The following SYT7 variants were observed in gnomAD, a reference collection of about 807,000 sequenced individuals.
The protein encoded by SYT7 is synaptotagmin 7, also known as synaptotagmin-7.
Under a neutral mutation model 75.1 loss-of-function variants are expected in SYT7, and 29 were observed. The observed-to-expected ratio is 0.39, with a 90% CI of 0.29 to 0.53. SYT7 has a LOEUF of 0.53. Among genes scored for constraint, SYT7 ranks in the 20% least tolerant of loss-of-function variants. The pLI is 0.77. For synonymous variants in SYT7, 376 were observed against 401.7 expected (o/e 0.94, Z 0.76); for missense variants, 693 against 953.2 (o/e 0.73, Z 3.59).
At chr11:61,544,575 C>T (rs955501209) in intron 5 of SYT7, among the ~76,000 whole-genome samples, 1 of 152,124 alleles carries the variant, frequency 6.6e-6, no homozygotes, top group South Asian at 2.1e-4. Flanking sequence ...AGAGGGAGGG[C>T]GGCACATTGG....
chr11:61,586,902 G>C, the SYT7 span, among the ~76,000 whole-genome samples: 1 of 152,130 alleles, frequency 6.6e-6, no homozygotes, highest in Admixed American at 6.5e-5. Context: ...CTGCAGCTCA[G>C]ACCAGCATTT....
chr11:61,555,428 G>A (rs2063470699), intron 2 of SYT7, among the ~76,000 whole-genome samples: 1 of 152,228 alleles, frequency 6.6e-6, no homozygotes, highest in African/African-American at 2.4e-5. Context: ...GGGCTGGGCG[G>A]GGCGGCGCGA....
At chr11:61,532,655 A>G (rs1157674489) in intron 8 of SYT7, among the ~76,000 whole-genome samples, 1 of 152,176 alleles carries the variant, frequency 6.6e-6, no homozygotes, top group African/African-American at 2.4e-5. Flanking sequence ...TCCTGAAAGT[A>G]TCTTGCATGA....
At chr11:61,534,409 GCACGCACACATGCGCATACA>G (rs2062803622) in intron 7 of SYT7, among the ~76,000 whole-genome samples, 1 of 150,996 alleles carries the variant, frequency 6.6e-6, no homozygotes, top group Admixed American at 6.6e-5. Flanking sequence ...ATGTACACAC[GCACGCACACATGCGCATACA>G]CACACGCACA....
rs2063398803 is a variant in SYT7 at position 61,553,103 on chromosome 11, T to A, written c.136-1640A>T. Among the ~76,000 whole-genome samples, 2 of 151,526 alleles carry A rather than the reference T, an allele frequency of 1.3e-5. No individual in the cohort carries two copies. The highest frequency in any genetic ancestry group is 1.5e-5 in the Non-Finnish European group (1 of 67,824). ...GACCTCTAAGTCAGAACTTTAAGAGTTGAAATATAGAGATGCCGGACACCC... is the reference window on the plus strand; with the variant it reads ...GACCTCTAAGTCAGAACTTTAAGAGATGAAATATAGAGATGCCGGACACCC... On this transcript the variant is annotated intron_variant, in intron 2 of 12. Coordinates refer to ENST00000539008, the MANE Select transcript of SYT7 (RefSeq NM_001365809.2). This position sits in a 1 kb window ranked among gnomAD's most constrained non-coding sequence, Gnocchi z 5.2.
chr11:61,548,553 A>G (rs1385230618), intron 3 of SYT7, among the ~76,000 whole-genome samples: 2 of 152,146 alleles, frequency 1.3e-5, no homozygotes, highest in African/African-American at 2.4e-5. Context: ...AGGCATGGGA[A>G]TGTTTCTAGG....
intron 12 of SYT7, among the ~76,000 whole-genome samples, chr11:61,521,849 A>G (rs2062346393): frequency 6.6e-6 from 1 of 152,174 alleles, no homozygotes; most frequent in Non-Finnish European, 1.5e-5. Flanking sequence ...CCCCTTTATT[A>G]TCATACTAGC....
intron 12 of SYT7, among the ~76,000 whole-genome samples, chr11:61,520,542 A>C (rs995107300): frequency 2.9e-4 from 43 of 149,964 alleles, no homozygotes; most frequent in African/African-American, 9.8e-4. Flanking sequence ...AAAGATAGGG[A>C]GGTCAGGCAC....
intron 1 of SYT7, among the ~76,000 whole-genome samples, chr11:61,564,711 C>T (rs1489659359): frequency 2.6e-5 from 4 of 152,182 alleles, no homozygotes; most frequent in East Asian, 1.9e-4. Flanking sequence ...ACGACAGTTA[C>T]GGAAAGGGCT....
Position 61,546,323 on chromosome 11 carries a change from G to T in SYT7, c.348-68C>A, listed in dbSNP as rs1447750410. 6 of 1,124,752 alleles carry T rather than the reference G, an allele frequency of 5.3e-6. No individual in the cohort carries two copies. Among genetic ancestry groups the T allele is most frequent in the Non-Finnish European group, 7.2e-6 (6 of 831,822 alleles). 69.7% of individuals were successfully genotyped at this position (1,124,752 alleles called of 1,614,324 possible). A position where few individuals can be genotyped will look rare whatever the true frequency, so the allele number is the denominator to read the frequency against. Reference sequence around the variant, plus strand: ...GGTGGCGGTGGGGGAGAGAGGGCAGGCCATACGTGGGGGTCGGGGGGTGGA... The same window carrying T: ...GGTGGCGGTGGGGGAGAGAGGGCAGTCCATACGTGGGGGTCGGGGGGTGGA... On this transcript the variant is annotated intron_variant, in intron 4 of 12. Coordinates refer to ENST00000539008, the MANE Select transcript of SYT7 (RefSeq NM_001365809.2). The surrounding 1 kb of genome is among the most constrained non-coding windows in gnomAD (Gnocchi z 7.6).
At position 61,524,077 on chromosome 11, in the gene SYT7, T is replaced by A; in HGVS notation, c.1642-136A>T. The A allele has an allele frequency of 2.4e-6, 2 of 827,080 alleles. No homozygotes were observed. Among genetic ancestry groups the A allele is most frequent in the Non-Finnish European group, 3.9e-6 (2 of 513,826 alleles). The allele number at this position is 827,080 out of a possible 1,614,324, so 51.2% of individuals were successfully genotyped here. A position where few individuals can be genotyped will look rare whatever the true frequency, so the allele number is the denominator to read the frequency against. On this transcript the variant is annotated intron_variant, in intron 10 of 12. Coordinates refer to ENST00000539008, the MANE Select transcript of SYT7 (RefSeq NM_001365809.2). The surrounding 1 kb of genome is among the most constrained non-coding windows in gnomAD (Gnocchi z 4.1). ...TGTCTGTCACCTCTGTCTCACTCTG[T>A]CTCCCCCCATCTGGCAGGTGTGTGT...
chr11:61,569,875 C>T (rs2063873956), intron 1 of SYT7, among the ~76,000 whole-genome samples: 1 of 152,206 alleles, frequency 6.6e-6, no homozygotes, highest in Non-Finnish European at 1.5e-5. Context: ...CAGTGCCCAG[C>T]CAGCTGGGCC....
rs953851074 is a variant in SYT7 at position 61,515,194 on chromosome 11, C to T, written c.*3433G>A. The T allele has an allele frequency of 3.9e-5, 6 of 152,390 alleles. No individual in the cohort carries two copies. The highest frequency in any genetic ancestry group is 1.4e-4 in the African/African-American group (6 of 41,566). The allele number at this position is 152,390 out of a possible 1,614,324, so 9.4% of individuals were successfully genotyped here. A position where few individuals can be genotyped will look rare whatever the true frequency, so the allele number is the denominator to read the frequency against. ...CCTGGTCACCAGTGAAGTCAAATCC[C>T]AAAGGTGACACACTGAGGGGAGGCT... On this transcript the variant is annotated 3_prime_UTR_variant, in exon 13 of 13. Coordinates refer to ENST00000539008, the MANE Select transcript of SYT7 (RefSeq NM_001365809.2).
intron 5 of SYT7, among the ~76,000 whole-genome samples, chr11:61,544,562 G>C (rs2063132718): frequency 6.6e-6 from 1 of 152,198 alleles, no homozygotes; most frequent in Non-Finnish European, 1.5e-5. Flanking sequence ...GGCAGGTCAA[G>C]GCAGAGGGAG....
intron 2 of SYT7, among the ~76,000 whole-genome samples, chr11:61,552,208 T>G (rs1332501330): frequency 6.6e-6 from 1 of 152,130 alleles, no homozygotes; most frequent in East Asian, 1.9e-4. Context: ...CAACTGGGCC[T>G]GCTGCCGGGA....
In SYT7 at chr11:61,542,236, G is replaced by A; in HGVS notation, c.916C>T (p.Arg306Ter). ...WDHVVGQIRN[R>*]GLDMKSFLEG... ...AGGAAGGATTTCATGTCCAAGCCTCGGTTTCGAATCTGCCCCACCACGTGG... is the reference window on the plus strand; with the variant it reads ...AGGAAGGATTTCATGTCCAAGCCTCAGTTTCGAATCTGCCCCACCACGTGG... The change falls in exon 6 of 13, where the codon CGA (arginine) becomes TGA (stop). Residue 306 changes from arginine to a stop codon, truncating the protein, a stop_gained. Transcript: ENST00000539008. LOFTEE classifies it high-confidence loss of function. This position sits in a 1 kb window ranked among gnomAD's most constrained non-coding sequence, Gnocchi z 7.8. The A allele has an allele frequency of 2.6e-6, 4 of 1,534,836 alleles. No homozygotes were observed. The highest frequency in any genetic ancestry group is 3.5e-6 in the Non-Finnish European group (4 of 1,146,336).
At chr11:61,556,621 C>G (rs541204082) in intron 1 of SYT7, among the ~76,000 whole-genome samples, 19 of 152,346 alleles carry the variant, frequency 1.2e-4, no homozygotes, top group African/African-American at 4.6e-4. Flanking sequence ...ACTCTTCCAC[C>G]CACTGCCCTG....
chr11:61,556,945 G>A (rs991294045), intron 1 of SYT7, among the ~76,000 whole-genome samples: 2 of 149,630 alleles, frequency 1.3e-5, no homozygotes, highest in Non-Finnish European at 2.9e-5. Context: ...CCCAAGTGCC[G>A]AGGTGCCATA....
intron 1 of SYT7, among the ~76,000 whole-genome samples, chr11:61,565,684 C>T (rs566957821): frequency 5.3e-5 from 8 of 152,274 alleles, no homozygotes; most frequent in African/African-American, 1.7e-4. Context: ...CCATGCCCTC[C>T]GGACATTCTC....
Sources: allele counts gnomAD v4.1 joint callset (sites outside exome capture counted in the v4.1 genomes callset), GRCh38; gene constraint gnomAD v4.1.1; non-coding constraint Gnocchi (gnomAD v3.1); transcripts MANE v1.5; gene names NCBI Gene and HGNC (gene_info 2026-07-23, HGNC 2026-07-21).